SPATA31H1: variants seen among roughly 807,000 people sequenced by gnomAD.
The protein encoded by SPATA31H1 is spermatogenesis-associated protein 31H1.
At chr2:27,577,908 G>A in the SPATA31H1 span, 1 of 1,614,076 alleles carries the variant, frequency 6.2e-7, no homozygotes, top group Non-Finnish European at 8.5e-7. The surrounding 1 kb of genome is among the most constrained non-coding windows in gnomAD (Gnocchi z 4.5). Flanking sequence ...GCACAGGGAG[G>A]TATCAATGGG....
the SPATA31H1 span, chr2:27,573,744 C>T: frequency 7.5e-6 from 3 of 398,368 alleles, no homozygotes; most frequent in African/African-American, 6.2e-5. Context: ...AGGAACACAG[C>T]TGCAAGATGT....
chr2:27,582,533 G>C, the SPATA31H1 span: 7 of 1,580,232 alleles, frequency 4.4e-6, no homozygotes, highest in South Asian at 8.2e-5. Context: ...GATGAGGCGA[G>C]GTCCGCCCCT....
At chr2:27,578,350 T>C in the SPATA31H1 span, 20 of 1,614,012 alleles carry the variant, frequency 1.2e-5, no homozygotes, top group Non-Finnish European at 1.6e-5. Context: ...ACTATGTTAA[T>C]CCCAGGGCCA....
chr2:27,546,339 GC>G, the SPATA31H1 span, among the ~76,000 whole-genome samples: 1 of 151,546 alleles, frequency 6.6e-6, no homozygotes, highest in Admixed American at 6.6e-5. Context: ...TTCACATTTA[GC>G]TCTATGATCC....
At chr2:27,566,347 A>T in the SPATA31H1 span, 1 of 717,414 alleles carries the variant, frequency 1.4e-6, no homozygotes, top group East Asian at 2.7e-5. Context: ...AATGGAGCGG[A>T]GCCTTCAACA....
At chr2:27,571,195 C>T in the SPATA31H1 span, 1 of 398,384 alleles carries the variant, frequency 2.5e-6, no homozygotes, top group South Asian at 1.3e-4. Context: ...ATGACGTTAA[C>T]CCCAGAGCCA....
the SPATA31H1 span, among the ~76,000 whole-genome samples, chr2:27,563,552 C>T: frequency 6.6e-6 from 1 of 150,516 alleles, no homozygotes; most frequent in Non-Finnish European, 1.5e-5. Context: ...CACACCACCA[C>T]ACCCAGCTAA....
At chr2:27,581,393 C>A in the SPATA31H1 span, 1 of 1,613,876 alleles carries the variant, frequency 6.2e-7, no homozygotes, top group African/African-American at 1.3e-5. Context: ...GAAGCTGGCG[C>A]AGTCCGTCTC....
At chr2:27,549,365 A>T in the SPATA31H1 span, among the ~76,000 whole-genome samples, 1 of 150,956 alleles carries the variant, frequency 6.6e-6, no homozygotes, top group Non-Finnish European at 1.5e-5. Context: ...AAGAGATAGG[A>T]TCTCTTTGTG....
chr2:27,572,341 A>G, the SPATA31H1 span: 1 of 398,384 alleles, frequency 2.5e-6, no homozygotes, highest in Non-Finnish European at 4.4e-6. Context: ...AAATCTGTTC[A>G]GTGGATAACA....
the SPATA31H1 span, chr2:27,580,881 T>C: frequency 1.9e-6 from 3 of 1,613,934 alleles, no homozygotes; most frequent in Non-Finnish European, 2.5e-6. Context: ...CCAGTGCAGA[T>C]CAGCTCAACA....
At chr2:27,579,320 A>G in the SPATA31H1 span, 3 of 1,614,194 alleles carry the variant, frequency 1.9e-6, no homozygotes, top group Non-Finnish European at 2.5e-6. Flanking sequence ...TAGCAGAAAG[A>G]GCCACTGCAG....
the SPATA31H1 span, among the ~76,000 whole-genome samples, chr2:27,542,782 C>A: frequency 6.6e-6 from 1 of 151,996 alleles, no homozygotes; most frequent in Non-Finnish European, 1.5e-5. Flanking sequence ...GGAGCACAGA[C>A]CTTGCCTCCA....
the SPATA31H1 span, chr2:27,578,873 A>T: frequency 6.2e-7 from 1 of 1,614,172 alleles, no homozygotes. Flanking sequence ...CTTTGGATAT[A>T]AAAAACCCTG....
the SPATA31H1 span, among the ~76,000 whole-genome samples, chr2:27,543,288 C>A: frequency 6.6e-6 from 1 of 151,960 alleles, no homozygotes; most frequent in Admixed American, 6.6e-5. Context: ...AGCATTTTGT[C>A]CGTTTTTCAT....
chr2:27,562,190 G>T, the SPATA31H1 span, among the ~76,000 whole-genome samples: 1 of 151,980 alleles, frequency 6.6e-6, no homozygotes, highest in Non-Finnish European at 1.5e-5. Flanking sequence ...TCCCTCCTTT[G>T]CTGTTCTTTT....
chr2:27,566,203 C>A, the SPATA31H1 span: 3 of 709,646 alleles, frequency 4.2e-6, no homozygotes, highest in East Asian at 8.1e-5. Context: ...TAGCTTTCTC[C>A]TTTCTAAGTT....
the SPATA31H1 span, chr2:27,582,271 G>A: frequency 1.2e-6 from 2 of 1,614,138 alleles, no homozygotes; most frequent in Non-Finnish European, 1.7e-6. Flanking sequence ...TCTGAGAGGA[G>A]CCATCGCAGT....
At chr2:27,577,121 A>G in the SPATA31H1 span, 5 of 1,614,192 alleles carry the variant, frequency 3.1e-6, no homozygotes, top group Non-Finnish European at 4.2e-6. The surrounding 1 kb of genome is among the most constrained non-coding windows in gnomAD (Gnocchi z 4.5). Context: ...GGTTGACCCC[A>G]AAGCTAACAG....
Sources: allele counts gnomAD v4.1 joint callset (sites outside exome capture counted in the v4.1 genomes callset), GRCh38; gene constraint gnomAD v4.1.1; non-coding constraint Gnocchi (gnomAD v3.1); transcripts MANE v1.5; gene names NCBI Gene and HGNC (gene_info 2026-07-23, HGNC 2026-07-21).